Variants in RALGAPA2 observed in about 807,000 individuals in gnomAD.
The protein encoded by RALGAPA2 is Ral GTPase activating protein catalytic subunit alpha 2.
Under a neutral mutation model 230.4 loss-of-function variants are expected in RALGAPA2, and 139 were observed. The observed-to-expected ratio is 0.60, with a 90% CI of 0.53 to 0.69. The LOEUF is 0.69. Ranked by LOEUF, RALGAPA2 falls within the 30% of genes least tolerant of loss-of-function variation. The probability of loss-of-function intolerance (pLI) is 0.00; values close to 1 mark genes in which losing one functional copy is unlikely to be tolerated. For synonymous variants in RALGAPA2, 847 were observed against 837.8 expected, an observed-to-expected ratio of 1.01 and a Z score of -0.19; for missense variants, 2,163 against 2,276.0, an observed-to-expected ratio of 0.95 and a Z score of 1.01.
intron 30 of RALGAPA2, among the ~76,000 whole-genome samples, chr20:20,522,197 C>T (rs935939127): frequency 6.6e-6 from 1 of 151,220 alleles, no homozygotes; most frequent in African/African-American, 2.4e-5. Flanking sequence ...TACATGTATT[C>T]CAGCAACTTC....
intron 24 of RALGAPA2, among the ~76,000 whole-genome samples, chr20:20,544,028 A>G (rs2145689407): frequency 6.6e-6 from 1 of 152,262 alleles, no homozygotes; most frequent in East Asian, 1.9e-4. Context: ...TGTGGCCAAC[A>G]AACATATGAA....
chr20:20,414,556 G>A (rs944572659), intron 37 of RALGAPA2, among the ~76,000 whole-genome samples: 8 of 152,120 alleles, frequency 5.3e-5, no homozygotes, highest in South Asian at 2.1e-4. Flanking sequence ...ATCCTGGATG[G>A]CACTATCATA....
chr20:20,617,147 G>A (rs2066170820), intron 12 of RALGAPA2, among the ~76,000 whole-genome samples: 1 of 152,108 alleles, frequency 6.6e-6, no homozygotes, highest in Non-Finnish European at 1.5e-5. Context: ...GGTCTCCTTT[G>A]TGTTCAATAA....
chr20:20,409,006 T>C (rs2060004690), intron 38 of RALGAPA2, among the ~76,000 whole-genome samples: 1 of 152,236 alleles, frequency 6.6e-6, no homozygotes, highest in Admixed American at 6.5e-5. Flanking sequence ...AGATTTTGTT[T>C]TGAAAGCTCT....
chr20:20,711,357 T>TA (rs2069855874), intron 1 of RALGAPA2, among the ~76,000 whole-genome samples: 1 of 152,236 alleles, frequency 6.6e-6, no homozygotes, highest in African/African-American at 2.4e-5. Flanking sequence ...ATTTTGGGAC[T>TA]AAAAGACACC....
rs1050606356 is a variant in RALGAPA2 at position 20,476,858 on chromosome 20, A to G, written c.5368-3902T>C. Among the ~76,000 whole-genome samples, 5 of 152,298 alleles carry G rather than the reference A, an allele frequency of 3.3e-5. No homozygotes were observed. In the East Asian group the frequency reaches 9.6e-4, roughly 29 times the overall value. On this transcript the variant is annotated intron_variant, in intron 36 of 39. Coordinates refer to ENST00000202677, the MANE Select transcript of RALGAPA2 (RefSeq NM_020343.4). Reference sequence around the variant, plus strand: ...GGAGAACAAATTAAAAGTTTGTGTTATATTCACCCAACAGAATATTCCACA... The same window carrying G: ...GGAGAACAAATTAAAAGTTTGTGTTGTATTCACCCAACAGAATATTCCACA...
chr20:20,614,842 T>C (rs1023676938), intron 13 of RALGAPA2, among the ~76,000 whole-genome samples: 13 of 152,314 alleles, frequency 8.5e-5, no homozygotes, highest in East Asian at 3.9e-4. Flanking sequence ...GCCTCCAGAA[T>C]ACAGGCATAG....
chr20:20,411,591 G>A (rs1463527642), intron 38 of RALGAPA2, among the ~76,000 whole-genome samples: 1 of 152,184 alleles, frequency 6.6e-6, no homozygotes, highest in Non-Finnish European at 1.5e-5. Flanking sequence ...GTCCTTCCAT[G>A]TCTCCTGCAT....
In RALGAPA2 at chr20:20,391,253, A is replaced by G. The variant is rs1318640342; in HGVS notation, c.*2036T>C. 6.6e-6 allele frequency: 1 copy of G among 152,228 alleles called. No individual in the cohort carries two copies. Among genetic ancestry groups the G allele is most frequent in the Non-Finnish European group, 1.5e-5 (1 of 68,054 alleles). 9.4% of individuals were successfully genotyped at this position (152,228 alleles called of 1,614,324 possible). On this transcript the variant is annotated 3_prime_UTR_variant, in exon 40 of 40. Transcript: ENST00000202677. ...GATCAAGCCTGAGTGATGGTGGCCA[A>G]GCTATGCTGCCCAGATGTCTGGAAT...
chr20:20,488,999 CTG>C (rs2061983177), intron 36 of RALGAPA2, among the ~76,000 whole-genome samples: 1 of 152,186 alleles, frequency 6.6e-6, no homozygotes, highest in African/African-American at 2.4e-5. Context: ...TTGTGACCAT[CTG>C]TCTTTTGCTT....
intron 3 of RALGAPA2, among the ~76,000 whole-genome samples, chr20:20,669,968 G>A (rs979033177): frequency 3.9e-5 from 6 of 152,126 alleles, no homozygotes; most frequent in Non-Finnish European, 8.8e-5. Flanking sequence ...CCCTTATGCA[G>A]GTAACTAATT....
intron 37 of RALGAPA2, among the ~76,000 whole-genome samples, chr20:20,470,268 T>C (rs544026348): frequency 5.3e-5 from 8 of 152,326 alleles, no homozygotes; most frequent in Admixed American, 3.9e-4. Context: ...TTCTTAAACA[T>C]AGCGAACAAA....
intron 3 of RALGAPA2, among the ~76,000 whole-genome samples, chr20:20,661,406 C>T (rs2067771749): frequency 6.6e-6 from 1 of 152,116 alleles, no homozygotes; most frequent in Non-Finnish European, 1.5e-5. Context: ...GTAATCTGCC[C>T]ACCTCGGCCT....
chr20:20,499,218 G>A (rs1182376235), intron 35 of RALGAPA2, among the ~76,000 whole-genome samples: 1 of 152,122 alleles, frequency 6.6e-6, no homozygotes, highest in Non-Finnish European at 1.5e-5. Flanking sequence ...GCTGCAAAAG[G>A]TATCAGCTGA....
At chr20:20,606,501 G>A (rs751566698) in intron 14 of RALGAPA2, among the ~76,000 whole-genome samples, 2 of 152,032 alleles carry the variant, frequency 1.3e-5, no homozygotes, top group Non-Finnish European at 2.9e-5. Flanking sequence ...TCACCTGCTC[G>A]CTCCTGCATC....
intron 3 of RALGAPA2, among the ~76,000 whole-genome samples, chr20:20,666,066 A>G (rs57063958): frequency 0.02 from 2,993 of 152,314 alleles, 106 homozygotes; most frequent in African/African-American, 0.069. Context: ...CTGGCATTAC[A>G]AAGAAAGCCA....
intron 36 of RALGAPA2, among the ~76,000 whole-genome samples, chr20:20,479,336 CTT>C (rs1387817377): frequency 1.3e-5 from 2 of 152,096 alleles, no homozygotes; most frequent in Non-Finnish European, 2.9e-5. Context: ...CTAGTACAAT[CTT>C]AATACCAAAA....
At position 20,406,479 on chromosome 20, in the gene RALGAPA2, A is replaced by G. The variant is rs774316789; in HGVS notation, c.5617+5548T>C. Reference sequence around the variant, plus strand: ...TGTGTCCAGAAGGGATTATGGGGGTAGAAGAAACATCTGTCCAAGGCAGTT... The same window carrying G: ...TGTGTCCAGAAGGGATTATGGGGGTGGAAGAAACATCTGTCCAAGGCAGTT... On this transcript the variant is annotated intron_variant, in intron 38 of 39. Coordinates refer to ENST00000202677, the MANE Select transcript of RALGAPA2 (RefSeq NM_020343.4). 3.9e-5 allele frequency among the ~76,000 whole-genome samples: 6 copies of G among 152,236 alleles called. No homozygotes were observed. In the South Asian group the frequency reaches 8.3e-4, roughly 21 times the overall value.
At chr20:20,458,375 T>C (rs961854294) in intron 37 of RALGAPA2, among the ~76,000 whole-genome samples, 4 of 147,654 alleles carry the variant, frequency 2.7e-5, no homozygotes, top group South Asian at 2.1e-4. Context: ...AATCTGTTTG[T>C]CCAAAAAAAA....
Sources: allele counts gnomAD v4.1 joint callset (sites outside exome capture counted in the v4.1 genomes callset), GRCh38; gene constraint gnomAD v4.1.1; transcripts MANE v1.5; gene names NCBI Gene and HGNC (gene_info 2026-07-23, HGNC 2026-07-21).